GREB1: variants seen among roughly 807,000 people sequenced by gnomAD.
GREB1 encodes the protein protein GREB1.
A neutral mutation model predicts 200.7 loss-of-function variants in GREB1; 106 were observed. The observed-to-expected ratio is 0.53, with a 90% CI of 0.45 to 0.62. GREB1 has a LOEUF of 0.62. GREB1 is among the 20% of genes least tolerant of loss of function. The probability of loss-of-function intolerance (pLI) is 0.00; values close to 1 mark genes in which losing one functional copy is unlikely to be tolerated. For missense variants in GREB1, 2,243 were observed against 2,556.8 expected (o/e 0.88, Z 2.65); for synonymous variants, 1,132 against 1,092.4 (o/e 1.04, Z -0.72).
intron 3 of GREB1, 108 bp from the exon 4 acceptor site, chr2:11,566,372 G>A (rs2147955192): frequency 2.8e-6 from 3 of 1,055,716 alleles, no homozygotes; most frequent in Non-Finnish European, 2.7e-6. Context: ...GCACACCCAG[G>A]GGTAAGGGTT....
intron 1 of GREB1, among the ~76,000 whole-genome samples, chr2:11,506,153 C>T (rs1269795112): frequency 6.6e-6 from 1 of 152,168 alleles, no homozygotes; most frequent in Non-Finnish European, 1.5e-5. Flanking sequence ...GGTCCCCGTG[C>T]TCACGGGCCT....
At chr2:11,530,127 T>C (rs992978699), upstream of GREB1, among the ~76,000 whole-genome samples, 2 of 152,002 alleles carry the variant, frequency 1.3e-5, no homozygotes, top group Non-Finnish European at 2.9e-5. Flanking sequence ...AGGGGCACCA[T>C]CTTGGCTCAC....
intron 15 of GREB1, among the ~76,000 whole-genome samples, chr2:11,599,329 C>T (rs1681549709): frequency 1.3e-5 from 2 of 148,664 alleles, no homozygotes; most frequent in South Asian, 4.4e-4. Context: ...GATGCCTGCC[C>T]TTCTTTTTTT....
intron 10 of GREB1, chr2:11,591,599 A>G (rs1680738665): frequency 3.2e-6 from 2 of 624,604 alleles, no homozygotes; most frequent in Admixed American, 5.3e-5. Flanking sequence ...CGCTTGTCCG[A>G]TGCACCGTTC....
chr2:11,522,164 T>G (rs1238381268), intron 1 of GREB1, among the ~76,000 whole-genome samples: 1 of 152,184 alleles, frequency 6.6e-6, no homozygotes, highest in Non-Finnish European at 1.5e-5. Context: ...TTATAAGATT[T>G]TCAAGTAGAT....
intron 9 of GREB1, chr2:11,587,351 A>C: frequency 1.3e-6 from 2 of 1,513,062 alleles, no homozygotes; most frequent in Non-Finnish European, 1.8e-6. Flanking sequence ...CCTTTATAGC[A>C]ACTCTTTACC....
rs1336517626 is a variant in GREB1, at chr2:11,631,930, C to T, written c.4633C>T (p.Pro1545Ser). ...GCAGAGCCATGAATATATAAAAAGT[C>T]CGACATTCACTCCAACCACCGGCCG... ...TDKSHEYIKSPTFTPTTGRHE... is the reference protein window; with the variant it reads ...TDKSHEYIKSSTFTPTTGRHE... The change falls in exon 27 of 33, where the codon CCG becomes TCG. Residue 1545 changes from proline (P) to serine (S), a missense_variant. This residue lies in a region of GREB1 where 478 missense variants were observed against 616.3 expected (regional missense o/e 0.78). Coordinates refer to ENST00000381486, the MANE Select transcript of GREB1 (RefSeq NM_014668.4). 6.2e-7 allele frequency: 1 copy of T among 1,613,746 alleles called. No individual in the cohort carries two copies. The highest frequency in any genetic ancestry group is 2.2e-5 in the East Asian group (1 of 44,882).
intron 1 of GREB1, among the ~76,000 whole-genome samples, chr2:11,527,226 C>T (rs981315094): frequency 3.0e-4 from 45 of 151,742 alleles, no homozygotes; most frequent in African/African-American, 7.8e-4. Flanking sequence ...TGCTATCATG[C>T]GGTCAAAAAA....
intron 23 of GREB1, among the ~76,000 whole-genome samples, chr2:11,624,050 A>G (rs1684227182): frequency 6.6e-6 from 1 of 152,250 alleles, no homozygotes; most frequent in African/African-American, 2.4e-5. Flanking sequence ...CAAAGAGTTT[A>G]AAAGGTTATA....
chr2:11,501,849 T>C (rs1021567180), intron 1 of GREB1, among the ~76,000 whole-genome samples: 8 of 151,460 alleles, frequency 5.3e-5, no homozygotes, highest in African/African-American at 1.5e-4. Flanking sequence ...TTTTTATTTA[T>C]GTTTGTGCGG....
In GREB1 at chr2:11,629,118, C is replaced by G. The variant is rs1397224112; in HGVS notation, c.4450-830C>G. 6.6e-6 allele frequency among the ~76,000 whole-genome samples: 1 copy of G among 152,162 alleles called. No homozygotes were observed. The highest frequency in any genetic ancestry group is 1.5e-5 in the Non-Finnish European group (1 of 68,044). ...CTCCCAAAGAAAGGGCTCTGTGGGT[C>G]TAGAAGAGCCATGGCAGAGATTAAA... On this transcript the variant is annotated intron_variant, in intron 25 of 32. Coordinates refer to ENST00000381486, the MANE Select transcript of GREB1 (RefSeq NM_014668.4). This position sits in a 1 kb window ranked among gnomAD's most constrained non-coding sequence, Gnocchi z 5.2.
At chr2:11,586,671 G>T (rs1210972101) in intron 9 of GREB1, among the ~76,000 whole-genome samples, 1 of 152,212 alleles carries the variant, frequency 6.6e-6, no homozygotes, top group Non-Finnish European at 1.5e-5. Context: ...TTGGTATCAT[G>T]CTTGTAGATA....
chr2:11,494,742 G>A (rs990967393), intron 1 of GREB1, among the ~76,000 whole-genome samples: 1 of 152,198 alleles, frequency 6.6e-6, no homozygotes, highest in Admixed American at 6.5e-5. Context: ...GCTACTTAAT[G>A]TTCTCTAGAT....
chr2:11,605,500 A>C (rs1214137231), intron 17 of GREB1, among the ~76,000 whole-genome samples: 1 of 152,162 alleles, frequency 6.6e-6, no homozygotes, highest in Non-Finnish European at 1.5e-5. Flanking sequence ...TTGGGATTAC[A>C]GGCGTGAGCC....
intron 11 of GREB1, among the ~76,000 whole-genome samples, chr2:11,594,455 A>T (rs1681024812): frequency 6.6e-6 from 1 of 150,612 alleles, no homozygotes; most frequent in Non-Finnish European, 1.5e-5. Context: ...CCCAAGTTCA[A>T]GCAATTCTTT....
chr2:11,532,136 G>A (rs1318347750), upstream of GREB1, among the ~76,000 whole-genome samples: 2 of 152,118 alleles, frequency 1.3e-5, no homozygotes, highest in Non-Finnish European at 2.9e-5. Context: ...ATTTATTCCT[G>A]AAGAGTTTAG....
At chr2:11,522,308 A>T (rs1163882274) in intron 1 of GREB1, among the ~76,000 whole-genome samples, 1 of 152,144 alleles carries the variant, frequency 6.6e-6, no homozygotes, top group Non-Finnish European at 1.5e-5. Context: ...GCTCAATGTC[A>T]TTGCCAAGGT....
In GREB1 at chr2:11,562,482, T is replaced by C; in HGVS notation, c.177T>C (p.Asn59=). 1.2e-6 allele frequency: 2 copies of C among 1,609,706 alleles called. No individual in the cohort carries two copies. Among genetic ancestry groups the C allele is most frequent in the South Asian group, 1.1e-5 (1 of 90,840 alleles). The change falls in exon 3 of 33, where the codon AAT becomes AAC. Residue 59 remains asparagine (N), a synonymous_variant. Transcript: ENST00000381486. The part of the protein sequence containing the change: ...AALEGGSRVD[N]EEEEEEGEGG... ...ATCTAGGTGGTAGCCGAGTGGACAA[T>C]GAGGAAGAGGAAGAAGAGGGAGAAG...
chr2:11,592,631 T>C, intron 10 of GREB1, 145 bp from the exon 11 acceptor site: 1 of 534,776 alleles, frequency 1.9e-6, no homozygotes, highest in South Asian at 2.7e-5. Flanking sequence ...TTGTGGCGGA[T>C]TTTATGCCCT....
Sources: gnomAD v4.1 joint callset for allele counts (sites outside exome capture counted in the v4.1 genomes callset) on GRCh38, gnomAD v4.1.1 for gene constraint, gnomAD v4.1.1 regional missense constraint, Gnocchi (gnomAD v3.1) non-coding constraint, MANE v1.5 for transcripts, NCBI Gene and HGNC (gene_info 2026-07-23, HGNC 2026-07-21) for gene names.